PPP6R1: variants seen among roughly 807,000 people sequenced by gnomAD.
The protein encoded by PPP6R1 is serine/threonine-protein phosphatase 6 regulatory subunit 1.
PPP6R1 carries 39 observed loss-of-function variants against 104.6 expected under a neutral mutation model. The observed-to-expected ratio is 0.37, with a 90% CI of 0.29 to 0.49. PPP6R1 has a LOEUF of 0.49. PPP6R1 is among the 20% of genes least tolerant of loss of function. The probability of loss-of-function intolerance (pLI) is 0.98; values close to 1 mark genes in which losing one functional copy is unlikely to be tolerated. For synonymous variants in PPP6R1, 549 were observed against 479.0 expected (o/e 1.15, Z -1.91); for missense variants, 1,181 against 1,155.8 (o/e 1.02, Z -0.32).
chr19:55,239,901 G>A lies in PPP6R1; in HGVS notation c.1488C>T (p.Ser496=), dbSNP rs750275447. The part of the protein sequence containing the change: ...QLRQLLKELP[S]EQQEQWEAFV... ...AGGCTTCCCACTGCTCCTGCTGCTC[G>A]CTGGGCAGCTCTGCTTAGGTGAGAG... Residue 496 remains serine, a synonymous_variant, in exon 13 of 24, where the codon AGC becomes AGT. Transcript: ENST00000412770. The A allele has an allele frequency of 4.3e-6, 7 of 1,613,718 alleles. No individual in the cohort carries two copies. The highest frequency in any genetic ancestry group is 2.2e-5 in the South Asian group (2 of 91,078).
Position 55,241,593 on chromosome 19 carries a change from G to A in PPP6R1, c.892C>T (p.Gln298Ter). 1 of 1,586,540 alleles carries A rather than the reference G, an allele frequency of 6.3e-7. No individual in the cohort carries two copies. The highest frequency in any genetic ancestry group is 8.6e-7 in the Non-Finnish European group (1 of 1,167,664). Residue 298 changes from glutamine (Q) to a stop codon, truncating the protein, a stop_gained, in exon 8 of 24, where the codon CAG becomes TAG. Coordinates refer to ENST00000412770, the MANE Select transcript of PPP6R1 (RefSeq NM_014931.4). LOFTEE classifies it high-confidence loss of function. This position sits in a 1 kb window ranked among gnomAD's most constrained non-coding sequence, Gnocchi z 5.4. ...VNSFFSSVDG[Q>*]LELLAQGALE... ...GCCCCCTGGGCCAGGAGCTCCAGCT[G>A]CCCATCCACACTGCTGAAGAAGCTG...
Position 55,245,014 on chromosome 19 carries a change from A to G in PPP6R1, c.618+106T>C. The G allele has an allele frequency of 6.8e-7, 1 of 1,481,366 alleles. No individual in the cohort carries two copies. The highest frequency in any genetic ancestry group is 9.2e-7 in the Non-Finnish European group (1 of 1,088,440). The allele number at this position is 1,481,366 out of a possible 1,614,324, so 91.8% of individuals were successfully genotyped here. A position where few individuals can be genotyped will look rare whatever the true frequency, so the allele number is the denominator to read the frequency against. The stretch of plus-strand genomic sequence containing the variant: ...CGCCCTCCCAAAGTGCTGGAATTAC[A>G]GGCGTGAGCCACTGCGTCCAGCCCC... On this transcript the variant is annotated intron_variant, in intron 5 of 23. Transcript: ENST00000412770. This position sits in a 1 kb window ranked among gnomAD's most constrained non-coding sequence, Gnocchi z 6.4.
chr19:55,250,110 G>A (rs571272023), intron 1 of PPP6R1, among the ~76,000 whole-genome samples: 2 of 152,302 alleles, frequency 1.3e-5, no homozygotes, highest in East Asian at 3.9e-4. Context: ...GAGGCCCTGC[G>A]GGTCTGGGTG....
At chr19:55,257,588 C>G (rs993821316) in intron 1 of PPP6R1, among the ~76,000 whole-genome samples, 1 of 152,190 alleles carries the variant, frequency 6.6e-6, no homozygotes, top group Non-Finnish European at 1.5e-5. Flanking sequence ...CCGGAAGGCC[C>G]TTCTTCCCAC....
intron 7 of PPP6R1, 54 bp downstream of exon 7, chr19:55,242,112 C>G (rs1270368987): frequency 1.3e-6 from 2 of 1,525,892 alleles, no homozygotes; most frequent in Non-Finnish European, 1.8e-6. Flanking sequence ...TCTGAGGGGC[C>G]GGAGAGCCCC....
chr19:55,245,756 C>A lies in PPP6R1; in HGVS notation c.228-78G>T. 8.3e-7 allele frequency: 1 copy of A among 1,207,004 alleles called. No individual in the cohort carries two copies. 74.8% of individuals were successfully genotyped at this position (1,207,004 alleles called of 1,614,324 possible). A position where few individuals can be genotyped will look rare whatever the true frequency, so the allele number is the denominator to read the frequency against. ...GGGCGGCAAGGCTCCACCCTCTTCT[C>A]TGCACCGGGCACTGGGTTTCTGGGA... On this transcript the variant is annotated intron_variant, in intron 2 of 23. Coordinates refer to ENST00000412770, the MANE Select transcript of PPP6R1 (RefSeq NM_014931.4). The surrounding 1 kb of genome is among the most constrained non-coding windows in gnomAD (Gnocchi z 6.4).
chr19:55,228,756 C>G, downstream of PPP6R1: 2 of 1,612,498 alleles, frequency 1.2e-6, no homozygotes, highest in Non-Finnish European at 1.7e-6. Flanking sequence ...GCCTGATAGC[C>G]CCAGAGCGAC....
Position 55,241,231 on chromosome 19 carries a change from C to T in PPP6R1, c.1161+8G>A, listed in dbSNP as rs2087454018. 1 of 1,556,962 alleles carries T rather than the reference C, an allele frequency of 6.4e-7. No individual in the cohort carries two copies. Among genetic ancestry groups the T allele is most frequent in the African/African-American group, 1.4e-5 (1 of 73,402 alleles). The stretch of plus-strand genomic sequence containing the variant: ...CCCTGAACCCCCAGCCCGGTCCAGT[C>T]CCCGCACCAGCATGGTGTTGGGCAC... On this transcript the variant is annotated splice_region_variant and intron_variant, in intron 9 of 23. Coordinates refer to ENST00000412770, the MANE Select transcript of PPP6R1 (RefSeq NM_014931.4). The surrounding 1 kb of genome is among the most constrained non-coding windows in gnomAD (Gnocchi z 5.4).
downstream of PPP6R1, chr19:55,228,916 TG>T: frequency 3.1e-6 from 2 of 645,296 alleles, no homozygotes; most frequent in Non-Finnish European, 5.5e-6. Context: ...TGGCGCCCGC[TG>T]ATAAAGCACT....
At chr19:55,236,285 GC>G in intron 17 of PPP6R1, 1 of 202,892 alleles carries the variant, frequency 4.9e-6, no homozygotes, top group Non-Finnish European at 1.0e-5. Context: ...CTCCCGAGTA[GC>G]CAGGACTACA....
downstream of PPP6R1, chr19:55,228,607 G>T: frequency 6.5e-7 from 1 of 1,541,120 alleles, no homozygotes; most frequent in Non-Finnish European, 8.8e-7. Context: ...ACCAACTCAA[G>T]GACAGCAGCT....
At position 55,230,193 on chromosome 19, in the gene PPP6R1, G is replaced by C. The variant is rs1256468942; in HGVS notation, c.*335C>G. 3 of 318,264 alleles carry C rather than the reference G, an allele frequency of 9.4e-6. No homozygotes were observed. The highest frequency in any genetic ancestry group is 6.4e-5 in the African/African-American group (3 of 46,600). 19.7% of individuals were successfully genotyped at this position (318,264 alleles called of 1,614,324 possible). A position where few individuals can be genotyped will look rare whatever the true frequency, so the allele number is the denominator to read the frequency against. ...GACGGAACAGGGAAGGCTGTGCTTT[G>C]GAGCCGCCAGCCCAGTTCGGTGTCC... On this transcript the variant is annotated 3_prime_UTR_variant, in exon 24 of 24. Coordinates refer to ENST00000412770, the MANE Select transcript of PPP6R1 (RefSeq NM_014931.4).
At chr19:55,233,438 G>A (rs557783895) in intron 17 of PPP6R1, among the ~76,000 whole-genome samples, 6 of 152,194 alleles carry the variant, frequency 3.9e-5, no homozygotes, top group South Asian at 2.1e-4. Context: ...ACATTGTCCC[G>A]GAGGCTAGCC....
chr19:55,247,931 G>A (rs563979841), intron 1 of PPP6R1, among the ~76,000 whole-genome samples: 12 of 152,314 alleles, frequency 7.9e-5, no homozygotes, highest in East Asian at 3.9e-4. Flanking sequence ...GGCAACACCC[G>A]GCCCTGACCC....
At chr19:55,236,354 T>G in intron 17 of PPP6R1, 1 of 378,372 alleles carries the variant, frequency 2.6e-6, no homozygotes, top group Non-Finnish European at 4.7e-6. Context: ...AGGATCTCCC[T>G]ATGTTGCCCA....
downstream of PPP6R1, chr19:55,228,248 G>C: frequency 1.2e-6 from 2 of 1,612,554 alleles, no homozygotes; most frequent in South Asian, 1.1e-5. Flanking sequence ...GAGCACACAA[G>C]GGCTCCCTGG....
chr19:55,236,018 C>T (rs1280199872), intron 17 of PPP6R1, among the ~76,000 whole-genome samples: 1 of 151,574 alleles, frequency 6.6e-6, no homozygotes, highest in Non-Finnish European at 1.5e-5. Flanking sequence ...TTTGTAGAGA[C>T]AGGGTTTCGC....
At chr19:55,257,538 T>C (rs2122762834) in intron 1 of PPP6R1, among the ~76,000 whole-genome samples, 1 of 152,182 alleles carries the variant, frequency 6.6e-6, no homozygotes, top group East Asian at 1.9e-4. Flanking sequence ...ACTCCGACCT[T>C]CCTTCCTTGA....
At chr19:55,249,670 G>A (rs949596838) in intron 1 of PPP6R1, among the ~76,000 whole-genome samples, 1 of 152,080 alleles carries the variant, frequency 6.6e-6, no homozygotes, top group Admixed American at 6.5e-5. Flanking sequence ...ATGAAACCCC[G>A]TGTCTACTAA....
Sources: gnomAD v4.1 joint callset for allele counts (sites outside exome capture counted in the v4.1 genomes callset) on GRCh38, gnomAD v4.1.1 for gene constraint, Gnocchi (gnomAD v3.1) non-coding constraint, MANE v1.5 for transcripts, NCBI Gene and HGNC (gene_info 2026-07-23, HGNC 2026-07-21) for gene names.